AUTS2: variants seen among roughly 807,000 people sequenced by gnomAD.
AUTS2 encodes the protein autism susceptibility gene 2 protein.
A neutral mutation model predicts 112.4 loss-of-function variants in AUTS2; 17 were observed. The observed-to-expected ratio is 0.15, with a 90% CI of 0.10 to 0.23. AUTS2 has a LOEUF of 0.23. Ranked by LOEUF, AUTS2 falls within the 10% of genes least tolerant of loss-of-function variation. The pLI, the probability that AUTS2 is intolerant of heterozygous loss-of-function variation, is 1.00. For missense variants in AUTS2, 1,510 were observed against 1,701.6 expected (o/e 0.89, Z 1.98); for synonymous variants, 751 against 702.7 (o/e 1.07, Z -1.09).
At chr7:70,180,380 A>G (rs372827660) in intron 4 of AUTS2, among the ~76,000 whole-genome samples, 1 of 152,146 alleles carries the variant, frequency 6.6e-6, no homozygotes, top group African/African-American at 2.4e-5. Context: ...GTAAATTTTG[A>G]TGCCAACTTT....
chr7:70,361,686 A>T (rs943713112), intron 4 of AUTS2, among the ~76,000 whole-genome samples: 1 of 152,184 alleles, frequency 6.6e-6, no homozygotes, highest in African/African-American at 2.4e-5. Context: ...CAAGGGTAGG[A>T]TGAACAGAAA....
intron 4 of AUTS2, among the ~76,000 whole-genome samples, chr7:70,398,932 G>GT (rs1292498746): frequency 1.4e-5 from 2 of 145,958 alleles, no homozygotes; most frequent in South Asian, 2.2e-4. Context: ...TTTTGTGTGT[G>GT]TTTTTTGATG....
Position 69,815,861 on chromosome 7 carries a change from T to TA in AUTS2, c.310-83425_310-83424insA, listed in dbSNP as rs1420549636. ...CCTACACATTTCAGCTGCGCATATG[T>TA]TCTACCTGTTAATGGTGAGATACAA... On this transcript the variant is annotated intron_variant, in intron 1 of 18. Coordinates refer to ENST00000342771, the MANE Select transcript of AUTS2 (RefSeq NM_015570.4). Among the ~76,000 whole-genome samples, 7 of 152,350 alleles carry TA rather than the reference T, an allele frequency of 4.6e-5. No individual in the cohort carries two copies. In the South Asian group the frequency reaches 1.0e-3, roughly 23 times the overall value.
chr7:70,694,711 C>A lies in AUTS2; in HGVS notation c.691-3858C>A, dbSNP rs1332215129. On this transcript the variant is annotated intron_variant, in intron 5 of 18. Transcript: ENST00000342771. This position sits in a 1 kb window ranked among gnomAD's most constrained non-coding sequence, Gnocchi z 4.1. Reference sequence around the variant, plus strand: ...GCGCGCCGCAGGAGCGGCGGGGAGACAGTGGCGAGCGCGGGCCGGGCGATC... The same window carrying A: ...GCGCGCCGCAGGAGCGGCGGGGAGAAAGTGGCGAGCGCGGGCCGGGCGATC... 6.8e-6 allele frequency: 1 copy of A among 147,264 alleles called. No individual in the cohort carries two copies. The highest frequency in any genetic ancestry group is 2.5e-5 in the African/African-American group (1 of 40,802). 9.1% of individuals were successfully genotyped at this position (147,264 alleles called of 1,614,324 possible).
chr7:70,397,658 TACACAC>T (rs145934747), intron 4 of AUTS2, among the ~76,000 whole-genome samples: 4 of 149,454 alleles, frequency 2.7e-5, no homozygotes, highest in African/African-American at 9.8e-5. Context: ...TACATGTATG[TACACAC>T]ACACACACAC....
chr7:70,156,123 A>G (rs2129576798), intron 4 of AUTS2, among the ~76,000 whole-genome samples: 1 of 152,274 alleles, frequency 6.6e-6, no homozygotes, highest in Non-Finnish European at 1.5e-5. Context: ...GCCTCAGTGA[A>G]CCTGCACCAT....
intron 5 of AUTS2, among the ~76,000 whole-genome samples, chr7:70,667,414 A>G (rs2129543592): frequency 6.6e-6 from 1 of 152,330 alleles, no homozygotes; most frequent in East Asian, 1.9e-4. Flanking sequence ...CACTGGGCTG[A>G]TTTGAGAGAT....
At chr7:69,896,137 G>C (rs1794733023) in intron 1 of AUTS2, among the ~76,000 whole-genome samples, 1 of 152,228 alleles carries the variant, frequency 6.6e-6, no homozygotes, top group African/African-American at 2.4e-5. Flanking sequence ...ACTAAACACA[G>C]AACATTTTTG....
intron 1 of AUTS2, among the ~76,000 whole-genome samples, chr7:69,844,376 A>G (rs970040833): frequency 2.0e-5 from 3 of 152,202 alleles, no homozygotes; most frequent in African/African-American, 7.2e-5. Context: ...GACACATGCA[A>G]ACAAATCCAA....
At chr7:70,337,772 A>C (rs1342658102) in intron 4 of AUTS2, among the ~76,000 whole-genome samples, 1 of 152,162 alleles carries the variant, frequency 6.6e-6, no homozygotes, top group East Asian at 1.9e-4. Context: ...ATGCATGTTA[A>C]CATGTGTGTT....
chr7:69,599,642 C>A lies in AUTS2; in HGVS notation c.-12C>A. 1 of 1,281,382 alleles carries A rather than the reference C, an allele frequency of 7.8e-7. No individual in the cohort carries two copies. The allele number at this position is 1,281,382 out of a possible 1,614,324, so 79.4% of individuals were successfully genotyped here. A position where few individuals can be genotyped will look rare whatever the true frequency, so the allele number is the denominator to read the frequency against. On this transcript the variant is annotated 5_prime_UTR_variant, in exon 1 of 19. Transcript: ENST00000342771. The surrounding 1 kb of genome is among the most constrained non-coding windows in gnomAD (Gnocchi z 7.0). Reference sequence around the variant, plus strand: ...TGGCGGGCAAGCGGGGAGACCCCGGCGCAGCAGAACCATGGATGGCCCGAC... The same window carrying A: ...TGGCGGGCAAGCGGGGAGACCCCGGAGCAGCAGAACCATGGATGGCCCGAC...
chr7:70,206,201 C>T (rs1224628741), intron 4 of AUTS2, among the ~76,000 whole-genome samples: 1 of 152,124 alleles, frequency 6.6e-6, no homozygotes, highest in Non-Finnish European at 1.5e-5. Flanking sequence ...TTTTCATCAA[C>T]ACTTTCTAAT....
In AUTS2 at chr7:70,559,430, G is replaced by T. The variant is rs368248464; in HGVS notation, c.690+123649G>T. On this transcript the variant is annotated intron_variant, in intron 5 of 18. Coordinates refer to ENST00000342771, the MANE Select transcript of AUTS2 (RefSeq NM_015570.4). ...GCTCACTGCAACTTCTGCCTCCCGG[G>T]TTCAAGCAATTCTCCTGTCTCAGCC... Among the ~76,000 whole-genome samples the T allele has an allele frequency of 7.2e-5, 11 of 151,818 alleles. No individual in the cohort carries two copies. In the East Asian group the frequency reaches 2.1e-3, roughly 30 times the overall value.
At chr7:69,605,123 A>G (rs572492983) in intron 1 of AUTS2, among the ~76,000 whole-genome samples, 1 of 152,352 alleles carries the variant, frequency 6.6e-6, no homozygotes, top group African/African-American at 2.4e-5. Context: ...TATTCTCTGC[A>G]TTGTAATCTA....
chr7:70,736,038 A>ATG (rs1787762826), intron 6 of AUTS2, among the ~76,000 whole-genome samples: 1 of 70,200 alleles, frequency 1.4e-5, no homozygotes, highest in South Asian at 4.6e-4. Context: ...ATTTTATTAT[A>ATG]CGTGTGTGTG....
chr7:70,122,865 CTTT>C (rs11297258), intron 3 of AUTS2, among the ~76,000 whole-genome samples: 5 of 93,060 alleles, frequency 5.4e-5, no homozygotes, highest in Non-Finnish European at 6.2e-5. Context: ...GAGATGAAAG[CTTT>C]TTTTTTTTTT....
At chr7:70,371,809 G>C (rs1792851596) in intron 4 of AUTS2, among the ~76,000 whole-genome samples, 1 of 152,110 alleles carries the variant, frequency 6.6e-6, no homozygotes, top group South Asian at 2.1e-4. Flanking sequence ...TGGTTGTGTT[G>C]ATTTGAACAC....
chr7:69,828,918 T>C (rs1466894336), intron 1 of AUTS2, among the ~76,000 whole-genome samples: 1 of 152,200 alleles, frequency 6.6e-6, no homozygotes. Context: ...GATGAACTTG[T>C]ATTTCTTCTT....
At chr7:70,681,166 ATC>A (rs1341790688) in intron 5 of AUTS2, among the ~76,000 whole-genome samples, 1 of 152,188 alleles carries the variant, frequency 6.6e-6, no homozygotes, top group African/African-American at 2.4e-5. Flanking sequence ...GGCCCATCCC[ATC>A]TCTCACCCGA....
Sources: gnomAD v4.1 joint callset for allele counts (sites outside exome capture counted in the v4.1 genomes callset) on GRCh38, gnomAD v4.1.1 for gene constraint, Gnocchi (gnomAD v3.1) non-coding constraint, MANE v1.5 for transcripts, NCBI Gene and HGNC (gene_info 2026-07-23, HGNC 2026-07-21) for gene names.